Variants in IL12RB2 observed in about 807,000 individuals in gnomAD.
IL12RB2 encodes the protein interleukin-12 receptor subunit beta-2.
A neutral mutation model predicts 89.4 loss-of-function variants in IL12RB2; 82 were observed. The ratio of observed to expected loss-of-function variants is 0.92; its 90% CI spans 0.77 to 1.10. The LOEUF is 1.10. Ranked by LOEUF, IL12RB2 falls within the 50% of genes least tolerant of loss-of-function variation. The pLI, the probability that IL12RB2 is intolerant of heterozygous loss-of-function variation, is 0.00. For missense variants in IL12RB2, 963 were observed against 1,031.9 expected (o/e 0.93, Z 0.92); for synonymous variants, 368 against 370.1 (o/e 0.99, Z 0.07).
At chr1:67,318,888 G>GA (rs563343309) in intron 2 of IL12RB2, among the ~76,000 whole-genome samples, 127 of 141,788 alleles carry the variant, frequency 9.0e-4, no homozygotes, top group East Asian at 6.3e-3. Context: ...AGTAGAAATG[G>GA]AAAAAAAAAA....
intron 10 of IL12RB2, among the ~76,000 whole-genome samples, chr1:67,361,023 C>A (rs1470244634): frequency 6.6e-6 from 1 of 152,176 alleles, no homozygotes; most frequent in South Asian, 2.1e-4. Flanking sequence ...ATACCCAACT[C>A]GAGCCCACTG....
chr1:67,372,757 A>T lies in IL12RB2; in HGVS notation c.1691A>T (p.Asp564Val). Residue 564 changes from aspartate (D) to valine (V), a missense_variant, in exon 13 of 17, where the codon GAC becomes GTC. Asp to Val is a radical substitution (Grantham distance 152, BLOSUM62 -3). Coordinates refer to ENST00000674203, the MANE Select transcript of IL12RB2 (RefSeq NM_001374259.2). ...TATAGGATATACTGGAAGGAACGGG[A>T]CTCCAACTCCCAGCCTCAGCTCTGT... is the stretch of plus-strand genomic sequence containing the variant. ...LHYRIYWKER[D>V]SNSQPQLCEI... 1 of 1,608,766 alleles carries T rather than the reference A, an allele frequency of 6.2e-7. No homozygotes were observed.
At chr1:67,356,185 G>A (rs1661372386) in intron 10 of IL12RB2, among the ~76,000 whole-genome samples, 1 of 152,186 alleles carries the variant, frequency 6.6e-6, no homozygotes, top group South Asian at 2.1e-4. Flanking sequence ...CTGTCTACAG[G>A]CTCTACCACT....
chr1:67,375,927 AGCTCTGCCTCCCGG>A (rs1479468884), intron 13 of IL12RB2, among the ~76,000 whole-genome samples: 1 of 150,860 alleles, frequency 6.6e-6, no homozygotes, highest in African/African-American at 2.4e-5. Context: ...GCTCACTGCA[AGCTCTGCCTCCCGG>A]GTTCACGCCA....
intron 14 of IL12RB2, among the ~76,000 whole-genome samples, chr1:67,382,361 C>T (rs1664694517): frequency 6.6e-6 from 1 of 152,156 alleles, no homozygotes; most frequent in African/African-American, 2.4e-5. Context: ...GCTCACTCTC[C>T]CTCCCAGCCT....
rs111985818 is a variant in IL12RB2, at chr1:67,391,388, T to TACAC, written c.2046+1274_2046+1277dup. 3.6e-3 allele frequency among the ~76,000 whole-genome samples: 527 copies of TACAC among 144,412 alleles called. 6 individuals carry two copies. Among genetic ancestry groups the TACAC allele is most frequent in the African/African-American group, 0.012 (462 of 39,196 alleles). The allele number at this position is 144,412 out of a possible 152,430, so 94.7% of individuals were successfully genotyped here. ...GTGTGTGTGTGTGTGTGTGTGTCTA[T>TACAC]ACACACACACACACACAAACTGCTG... is the stretch of plus-strand genomic sequence containing the variant. On this transcript the variant is annotated intron_variant, in intron 16 of 16. Coordinates refer to ENST00000674203, the MANE Select transcript of IL12RB2 (RefSeq NM_001374259.2).
chr1:67,391,812 T>A (rs1229482709), intron 16 of IL12RB2, among the ~76,000 whole-genome samples: 2 of 152,098 alleles, frequency 1.3e-5, no homozygotes, highest in African/African-American at 2.4e-5. Context: ...AATTTTTTTT[T>A]ATTTTTATTT....
At position 67,351,081 on chromosome 1, in the gene IL12RB2, G is replaced by A; in HGVS notation, c.1250G>A (p.Cys417Tyr). 1 of 1,612,746 alleles carries A rather than the reference G, an allele frequency of 6.2e-7. No individual in the cohort carries two copies. Among genetic ancestry groups the A allele is most frequent in the Non-Finnish European group, 8.5e-7 (1 of 1,179,814 alleles). ...LPTRINIMNLCEAGLLAPRQV... is the reference protein window; with the variant it reads ...LPTRINIMNLYEAGLLAPRQV... Reference sequence around the variant, plus strand: ...ACTCGTATTAACATAATGAACCTGTGTGAGGCAGGTAAGTTCTAATTTTTC... The same window carrying A: ...ACTCGTATTAACATAATGAACCTGTATGAGGCAGGTAAGTTCTAATTTTTC... The change falls in exon 10 of 17, where the codon TGT (cysteine) becomes TAT (tyrosine). Residue 417 changes from cysteine (C) to tyrosine (Y), a missense_variant. Physicochemically the swap from Cys to Tyr is radical, Grantham distance 194 (BLOSUM62 -2). Transcript: ENST00000674203.
intron 8 of IL12RB2, among the ~76,000 whole-genome samples, chr1:67,331,574 T>A (rs988871340): frequency 6.6e-6 from 1 of 152,156 alleles, no homozygotes; most frequent in Non-Finnish European, 1.5e-5. Flanking sequence ...GCATGGTCGC[T>A]CAGGCCTGTA....
chr1:67,328,945 TCC>T (rs1449999633), intron 6 of IL12RB2, among the ~76,000 whole-genome samples: 9 of 152,184 alleles, frequency 5.9e-5, no homozygotes, highest in African/African-American at 2.2e-4. Context: ...TCTCAAGCAT[TCC>T]AAGTTCTGAC....
intron 10 of IL12RB2, among the ~76,000 whole-genome samples, chr1:67,362,976 C>T (rs1315036574): frequency 6.6e-6 from 1 of 151,180 alleles, no homozygotes; most frequent in African/African-American, 2.4e-5. Flanking sequence ...GATCTCGGCT[C>T]ACTGCAACTT....
intron 10 of IL12RB2, among the ~76,000 whole-genome samples, chr1:67,360,560 C>A (rs976598644): frequency 6.6e-6 from 1 of 152,002 alleles, no homozygotes; most frequent in Admixed American, 6.6e-5. Flanking sequence ...CTTTGGGAGG[C>A]CAAGGCAGGC....
rs766550956 is a variant in IL12RB2, at chr1:67,390,105, G to A, written c.2023G>A (p.Ala675Thr). 8 of 1,285,054 alleles carry A rather than the reference G, an allele frequency of 6.2e-6. No individual in the cohort carries two copies. Among genetic ancestry groups the A allele is most frequent in the South Asian group, 2.4e-5 (2 of 84,574 alleles). The allele number at this position is 1,285,054 out of a possible 1,614,324, so 79.6% of individuals were successfully genotyped here. ...EIPDPANSTC[A>T]KKYPIAEEKT... ...TCCAGATCCAGCAAATAGCACTTGC[G>A]CTAAGAAATATCCCATTGCAGAGGT... The change falls in exon 16 of 17, where the codon GCT (alanine) becomes ACT (threonine). Residue 675 changes from alanine to threonine, a missense_variant. By Grantham distance (58) the Ala-to-Thr change is moderately conservative. Coordinates refer to ENST00000674203, the MANE Select transcript of IL12RB2 (RefSeq NM_001374259.2).
chr1:67,388,571 C>T (rs1309097699), intron 15 of IL12RB2, among the ~76,000 whole-genome samples: 3 of 152,136 alleles, frequency 2.0e-5, no homozygotes, highest in African/African-American at 7.2e-5. Flanking sequence ...GTCTCAAACT[C>T]CTGACCTCAT....
chr1:67,392,346 A>T (rs899604187), intron 16 of IL12RB2, among the ~76,000 whole-genome samples: 3 of 152,168 alleles, frequency 2.0e-5, no homozygotes, highest in African/African-American at 7.2e-5. Flanking sequence ...GGCAAAAACT[A>T]AAAAAATGAC....
chr1:67,335,529 T>C (rs1658655553), intron 8 of IL12RB2, among the ~76,000 whole-genome samples: 1 of 152,246 alleles, frequency 6.6e-6, no homozygotes, highest in East Asian at 1.9e-4. Context: ...CTACAGTTTT[T>C]TCCTTTACAG....
chr1:67,348,204 A>C (rs550216038), intron 9 of IL12RB2, among the ~76,000 whole-genome samples: 129 of 152,048 alleles, frequency 8.5e-4, no homozygotes, highest in Non-Finnish European at 1.7e-3. Flanking sequence ...CTCGGTCTCC[A>C]CCCTCCCCAA....
chr1:67,364,543 G>A (rs1435289996), intron 10 of IL12RB2, among the ~76,000 whole-genome samples: 1 of 152,128 alleles, frequency 6.6e-6, no homozygotes, highest in Non-Finnish European at 1.5e-5. Context: ...AGTTATCAGT[G>A]GTAACTGGGA....
At chr1:67,319,173 T>TAGGTATG (rs1656174796) in intron 2 of IL12RB2, among the ~76,000 whole-genome samples, 1 of 152,210 alleles carries the variant, frequency 6.6e-6, no homozygotes, top group Admixed American at 6.5e-5. Context: ...GGCATATGTC[T>TAGGTATG]AGGTATGGGG....
Sources: gnomAD v4.1 joint callset for allele counts (sites outside exome capture counted in the v4.1 genomes callset) on GRCh38, gnomAD v4.1.1 for gene constraint, MANE v1.5 for transcripts, NCBI Gene and HGNC (gene_info 2026-07-23, HGNC 2026-07-21) for gene names.